The following CYLD variants were observed in gnomAD, a reference collection of about 807,000 sequenced individuals.
CYLD encodes CYLD lysine 63 deubiquitinase, also known as ubiquitin carboxyl-terminal hydrolase CYLD.
Under a neutral mutation model 104.5 loss-of-function variants are expected in CYLD, and 26 were observed. That is an observed-to-expected ratio of 0.25 (90% confidence interval 0.18 to 0.35). CYLD has a LOEUF of 0.35. Among genes scored for constraint, CYLD ranks in the 10% least tolerant of loss-of-function variants. CYLD has a pLI of 1.00. For synonymous variants in CYLD, 385 were observed against 399.9 expected (o/e 0.96, Z 0.45); for missense variants, 703 against 1,136.1 (o/e 0.62, Z 5.48).
Position 50,776,328 on chromosome 16 carries a change from G to T in CYLD, c.1021+51G>T, listed in dbSNP as rs140461161. The T allele has an allele frequency of 4.2e-4, 522 of 1,240,440 alleles. 5 individuals are homozygous for T. In the African/African-American group the frequency reaches 6.7e-3, roughly 16 times the overall value. 76.8% of individuals were successfully genotyped at this position (1,240,440 alleles called of 1,614,324 possible). ...TAGTAATTTGCATAATGCCTAACTT[G>T]CCATAGCATTAAAAAAGATTATAAG... is the stretch of plus-strand genomic sequence containing the variant. On this transcript the variant is annotated intron_variant, in intron 7 of 18. Coordinates refer to ENST00000427738, the MANE Select transcript of CYLD (RefSeq NM_001378743.1).
intron 2 of CYLD, among the ~76,000 whole-genome samples, chr16:50,748,441 G>T (rs1033268231): frequency 2.7e-4 from 41 of 152,108 alleles, no homozygotes; most frequent in Middle Eastern, 3.2e-3. Flanking sequence ...CTAGAACCTT[G>T]GAAGGCCAAG....
At chr16:50,776,341 A>G in intron 7 of CYLD, 64 bp downstream of exon 7, 1 of 1,134,474 alleles carries the variant, frequency 8.8e-7, no homozygotes, top group Non-Finnish European at 1.3e-6. Context: ...ATAGCATTAA[A>G]AAAGATTATA....
chr16:50,776,395 A>G (rs1327272797), intron 7 of CYLD, 118 bp downstream of exon 7: 1 of 783,696 alleles, frequency 1.3e-6, no homozygotes, highest in African/African-American at 1.7e-5. Context: ...TTTCTTTCAA[A>G]CATTTTTAGT....
At chr16:50,792,846 C>A in intron 16 of CYLD, 141 bp downstream of exon 16, 6 of 567,022 alleles carry the variant, frequency 1.1e-5, no homozygotes, top group South Asian at 4.5e-5. Context: ...AAATATGAAA[C>A]CAGTCATTTT....
At chr16:50,769,616 T>C (rs548773030) in intron 5 of CYLD, among the ~76,000 whole-genome samples, 1 of 152,346 alleles carries the variant, frequency 6.6e-6, no homozygotes, top group South Asian at 2.1e-4. Context: ...TAGATTCACA[T>C]GCAGAGAGAG....
intron 12 of CYLD, chr16:50,785,678 C>CATTA (rs1388216896): frequency 2.6e-5 from 4 of 152,162 alleles, no homozygotes; most frequent in Non-Finnish European, 5.9e-5. Flanking sequence ...CATAGTTAAT[C>CATTA]ACACTTTCTT....
intron 10 of CYLD, among the ~76,000 whole-genome samples, chr16:50,781,970 T>C (rs1240197730): frequency 6.6e-6 from 1 of 152,220 alleles, no homozygotes; most frequent in Non-Finnish European, 1.5e-5. Flanking sequence ...AACACTCTTA[T>C]TATGTTGAAA....
At chr16:50,763,533 GTTA>G (rs1968180591) in intron 5 of CYLD, among the ~76,000 whole-genome samples, 1 of 152,052 alleles carries the variant, frequency 6.6e-6, no homozygotes, top group South Asian at 2.1e-4. Flanking sequence ...GTCAATACTT[GTTA>G]TTATCTGACT....
At chr16:50,754,996 TG>T (rs1966877482) in intron 5 of CYLD, among the ~76,000 whole-genome samples, 1 of 10,544 alleles carries the variant, frequency 9.5e-5, no homozygotes, top group African/African-American at 3.9e-4. Context: ...TACATATATA[TG>T]TATATATACA....
At chr16:50,777,651 G>T (rs1352641604) in intron 7 of CYLD, among the ~76,000 whole-genome samples, 174 bp from the exon 8 acceptor site, 2 of 151,572 alleles carry the variant, frequency 1.3e-5, no homozygotes, top group East Asian at 1.9e-4. Flanking sequence ...TTGTCAAAAT[G>T]GTTACCAAAT....
At chr16:50,781,518 C>A in intron 10 of CYLD, 107 bp downstream of exon 10, 2 of 1,368,160 alleles carry the variant, frequency 1.5e-6, no homozygotes, top group South Asian at 1.2e-5. Context: ...TATTTCTTGC[C>A]AACGCTCATT....
At chr16:50,796,265 A>T in intron 18 of CYLD, 59 bp from the exon 19 acceptor site, 1 of 1,533,746 alleles carries the variant, frequency 6.5e-7, no homozygotes, top group African/African-American at 1.4e-5. Context: ...TTATAAAATC[A>T]CTGGCAAAAG....
intron 5 of CYLD, among the ~76,000 whole-genome samples, chr16:50,764,055 T>C (rs1330802280): frequency 6.6e-6 from 1 of 152,194 alleles, no homozygotes; most frequent in Non-Finnish European, 1.5e-5. Flanking sequence ...ATCCATGATG[T>C]AAACCCAACC....
intron 5 of CYLD, among the ~76,000 whole-genome samples, chr16:50,754,684 A>G (rs1443263915): frequency 6.7e-6 from 1 of 149,536 alleles, no homozygotes; most frequent in African/African-American, 2.5e-5. Flanking sequence ...ACACCTTTGA[A>G]TCCTCATAGC....
At chr16:50,765,137 A>G (rs1034386404) in intron 5 of CYLD, among the ~76,000 whole-genome samples, 1 of 152,084 alleles carries the variant, frequency 6.6e-6, no homozygotes, top group Non-Finnish European at 1.5e-5. Flanking sequence ...TGCTTCACAG[A>G]TATGTGTTTT....
At chr16:50,763,343 T>C (rs190046759) in intron 5 of CYLD, among the ~76,000 whole-genome samples, 262 of 152,304 alleles carry the variant, frequency 1.7e-3, no homozygotes, top group Non-Finnish European at 3.1e-3. Context: ...CATGTACAAG[T>C]TGTTGTGTGG....
chr16:50,790,785 T>C (rs1417918244), intron 14 of CYLD, among the ~76,000 whole-genome samples: 1 of 152,162 alleles, frequency 6.6e-6, no homozygotes, highest in African/African-American at 2.4e-5. Flanking sequence ...AGTTTAGATG[T>C]AAATAGTCTA....
Position 50,794,758 on chromosome 16 carries a change from C to T in CYLD, c.2686+330C>T. ...ACCTCAGCCTCCTGAGTAGCTGGGA[C>T]TACACGCATATGCCACCATGCCTGG... On this transcript the variant is annotated intron_variant, in intron 18 of 18. Coordinates refer to ENST00000427738, the MANE Select transcript of CYLD (RefSeq NM_001378743.1). The surrounding 1 kb of genome is among the most constrained non-coding windows in gnomAD (Gnocchi z 4.1). 2.7e-6 allele frequency: 1 copy of T among 375,762 alleles called. No individual in the cohort carries two copies. Among genetic ancestry groups the T allele is most frequent in the Non-Finnish European group, 5.1e-6 (1 of 195,756 alleles). 23.3% of individuals were successfully genotyped at this position (375,762 alleles called of 1,614,324 possible).
intron 9 of CYLD, 66 bp downstream of exon 9, chr16:50,780,110 A>G (rs1040650509): frequency 6.4e-7 from 1 of 1,562,218 alleles, no homozygotes; most frequent in Non-Finnish European, 8.8e-7. Flanking sequence ...ATTTCGCCCT[A>G]TTATATGCTT....
Sources: gnomAD v4.1 joint callset for allele counts (sites outside exome capture counted in the v4.1 genomes callset) on GRCh38, gnomAD v4.1.1 for gene constraint, Gnocchi (gnomAD v3.1) non-coding constraint, MANE v1.5 for transcripts, NCBI Gene and HGNC (gene_info 2026-07-23, HGNC 2026-07-21) for gene names.